IL4I1: variants seen among roughly 807,000 people sequenced by gnomAD.
IL4I1 encodes the protein interleukin 4 induced 1.
A neutral mutation model predicts 29.7 loss-of-function variants in IL4I1; 24 were observed. The observed-to-expected ratio is 0.81, with a 90% confidence interval of 0.59 to 1.14. IL4I1 has a LOEUF of 1.14. Among genes scored for constraint, IL4I1 ranks in the 50% most tolerant of loss-of-function variants. The pLI is 0.00. For synonymous variants in IL4I1, 371 were observed against 352.5 expected (o/e 1.05, Z -0.59); for missense variants, 686 against 785.6 (o/e 0.87, Z 1.52).
intron 7 of IL4I1, 85 bp downstream of exon 7, chr19:49,890,886 C>A: frequency 8.5e-7 from 1 of 1,179,940 alleles, no homozygotes; most frequent in Non-Finnish European, 1.2e-6. Flanking sequence ...GCCCCGCCCC[C>A]AGACCCAGAG....
At chr19:49,907,201 G>C (rs2075340589) in intron 2 of IL4I1, 1 of 220,172 alleles carries the variant, frequency 4.5e-6, no homozygotes, top group South Asian at 5.0e-5. Context: ...GCACAGGATA[G>C]CATAACAAGT....
At chr19:49,896,592 C>T (rs2122534064) in intron 1 of IL4I1, among the ~76,000 whole-genome samples, 1 of 152,254 alleles carries the variant, frequency 6.6e-6, no homozygotes, top group Non-Finnish European at 1.5e-5. Flanking sequence ...CATAACCAAA[C>T]CTGGCTAATT....
exon 1 of IL4I1, chr19:49,929,417 C>T (rs1157659056): frequency 2.0e-5 from 3 of 152,790 alleles, no homozygotes; most frequent in African/African-American, 7.2e-5. Flanking sequence ...AACCGCTTAC[C>T]TCTTCTCCAA....
At chr19:49,912,451 G>A (rs2075494204) in intron 2 of IL4I1, among the ~76,000 whole-genome samples, 1 of 152,118 alleles carries the variant, frequency 6.6e-6, no homozygotes, top group Admixed American at 6.5e-5. Context: ...TTACAGGCAT[G>A]AGCCACTGCG....
At chr19:49,897,722 G>A (rs1452271447), upstream of IL4I1, among the ~76,000 whole-genome samples, 1 of 152,164 alleles carries the variant, frequency 6.6e-6, no homozygotes, top group Admixed American at 6.5e-5. Context: ...GGAGTGGGTG[G>A]GGGTGGAGAA....
intron 2 of IL4I1, among the ~76,000 whole-genome samples, chr19:49,923,933 G>T (rs976391545): frequency 6.6e-6 from 1 of 152,248 alleles, no homozygotes; most frequent in African/African-American, 2.4e-5. Flanking sequence ...CTGGGCTCAG[G>T]ACCAGAACCC....
chr19:49,918,689 T>A (rs1312882434), intron 2 of IL4I1: 1 of 152,148 alleles, frequency 6.6e-6, no homozygotes, highest in Non-Finnish European at 1.5e-5. Flanking sequence ...GGAGAAGCTG[T>A]GATGGATCAA....
In IL4I1 at chr19:49,916,549, G is replaced by A. The variant is rs576238014; in HGVS notation, c.-228+11145C>T. 3.3e-5 allele frequency among the ~76,000 whole-genome samples: 5 copies of A among 152,040 alleles called. No individual in the cohort carries two copies. In the South Asian group the frequency reaches 6.2e-4, roughly 19 times the overall value. On this transcript the variant is annotated intron_variant, in intron 2 of 9. Coordinates refer to the IL4I1 transcript ENST00000341114. ...AGCACTTTGGAAGGCCGAGGCGGGC[G>A]GATCACTAGGTCAGGAGATCCAGAC...
upstream of IL4I1, among the ~76,000 whole-genome samples, chr19:49,898,460 G>A (rs947725899): frequency 6.6e-6 from 1 of 152,198 alleles, no homozygotes; most frequent in South Asian, 2.1e-4. Context: ...CCAAGATGGC[G>A]AAACCCTTTC....
chr19:49,902,669 A>C (rs1375333851), intron 3 of IL4I1, among the ~76,000 whole-genome samples: 2 of 152,074 alleles, frequency 1.3e-5, no homozygotes, highest in African/African-American at 4.8e-5. Flanking sequence ...CTCTACTAAA[A>C]ATACAAAAAT....
In IL4I1 at chr19:49,896,185, G is replaced by C; in HGVS notation, c.-22-3C>G. On this transcript the variant is annotated splice_region_variant and splice_polypyrimidine_tract_variant and intron_variant, in intron 1 of 7. Coordinates refer to ENST00000391826, the MANE Select transcript of IL4I1 (RefSeq NM_152899.2). ...TGACTCTCGGTGGGAGATGGTGTCT[G>C]GGGTGGAGGAGAAGGGAGGGCTGTT... 6.7e-7 allele frequency: 1 copy of C among 1,489,710 alleles called. No homozygotes were observed. The allele number at this position is 1,489,710 out of a possible 1,614,324, so 92.3% of individuals were successfully genotyped here.
rs1371954997 is a variant in IL4I1, at chr19:49,915,364, TGA to T, written c.-227-11045_-227-11044del. 5.9e-5 allele frequency among the ~76,000 whole-genome samples: 9 copies of T among 152,272 alleles called. No homozygotes were observed. The South Asian group carries it at 1.0e-3, about 18-fold the overall frequency. On this transcript the variant is annotated intron_variant, in intron 2 of 9. Coordinates refer to the IL4I1 transcript ENST00000341114. Reference sequence around the variant, plus strand: ...GAGATGTGCCTATGGAAGAATGGACTGAGAGACACTGTGCTGCTGGCTTTGAA... The same window carrying T: ...GAGATGTGCCTATGGAAGAATGGACTGAGACACTGTGCTGCTGGCTTTGAA...
At chr19:49,901,880 C>G (rs1419818749), upstream of IL4I1, 1 of 473,444 alleles carries the variant, frequency 2.1e-6, no homozygotes, top group Non-Finnish European at 3.7e-6. Context: ...TTTCAAACAT[C>G]TAAAACCAGA....
chr19:49,907,896 G>C (rs975666499), intron 2 of IL4I1: 2 of 420,956 alleles, frequency 4.8e-6, no homozygotes, highest in East Asian at 1.1e-4. Context: ...TTTGGAGAGA[G>C]TGGCTGCCCC....
chr19:49,918,904 G>T (rs1333494504), intron 2 of IL4I1, among the ~76,000 whole-genome samples: 4 of 148,648 alleles, frequency 2.7e-5, no homozygotes, highest in East Asian at 2.1e-4. Context: ...CTGGGGGGGG[G>T]GGGGCGGGGT....
chr19:49,906,610 AC>A (rs2075328149), intron 2 of IL4I1, among the ~76,000 whole-genome samples: 1 of 151,790 alleles, frequency 6.6e-6, no homozygotes. Context: ...CACTAGCACC[AC>A]CCCTTCCTGG....
intron 5 of IL4I1, among the ~76,000 whole-genome samples, chr19:49,893,847 C>T (rs368706984): frequency 1.3e-5 from 2 of 151,576 alleles, no homozygotes; most frequent in South Asian, 2.1e-4. Context: ...ATTAGCTGGG[C>T]GTGGTGGCGG....
rs1387795189 is a variant in IL4I1 at position 49,890,333 on chromosome 19, C to A, written c.1041G>T (p.Leu347=). 4 of 1,607,638 alleles carry A rather than the reference C, an allele frequency of 2.5e-6. No individual in the cohort carries two copies. Among genetic ancestry groups the A allele is most frequent in the Non-Finnish European group, 3.4e-6 (4 of 1,178,052 alleles). ...ACACCTTGGTGGCCGGCACGTAGTG[C>A]AGCCTCCGCAGCGCCTCCTGCATGT... is the stretch of plus-strand genomic sequence containing the variant. The part of the protein sequence containing the change: ...PRHMQEALRR[L]HYVPATKVFL... Residue 347 remains leucine, a synonymous_variant, in exon 8 of 8, where the codon CTG becomes CTT. Coordinates refer to ENST00000391826, the MANE Select transcript of IL4I1 (RefSeq NM_152899.2).
chr19:49,910,620 T>C (rs2075439684), intron 2 of IL4I1, among the ~76,000 whole-genome samples: 1 of 151,014 alleles, frequency 6.6e-6, no homozygotes, highest in Admixed American at 6.6e-5. Context: ...GTAGGTGTGG[T>C]GTGGAGGATT....
Sources: gnomAD v4.1 joint callset for allele counts (sites outside exome capture counted in the v4.1 genomes callset) on GRCh38, gnomAD v4.1.1 for gene constraint, MANE v1.5 for transcripts, NCBI Gene and HGNC (gene_info 2026-07-23, HGNC 2026-07-21) for gene names.